Variants in ABHD18 observed in about 807,000 individuals in gnomAD.
ABHD18 encodes abhydrolase domain containing 18, also known as cardiolipin-specific deacylase, mitochondrial.
ABHD18 carries 55 observed loss-of-function variants against 65.9 expected under a neutral mutation model. That is an observed-to-expected ratio of 0.84 (90% confidence interval 0.67 to 1.05). The LOEUF (loss-of-function observed/expected upper bound fraction) is 1.05. ABHD18 is among the 50% of genes least tolerant of loss of function. ABHD18 has a pLI of 0.00. For missense variants in ABHD18, 533 were observed against 558.5 expected, an observed-to-expected ratio of 0.95 and a Z score of 0.46; for synonymous variants, 181 against 180.2, an observed-to-expected ratio of 1.00 and a Z score of -0.04.
rs1272233066 is a variant in ABHD18, at chr4:128,038,960, TG to T, written c.*3148del. On this transcript the variant is annotated 3_prime_UTR_variant, in exon 13 of 13. Coordinates refer to ENST00000645843, the MANE Select transcript of ABHD18 (RefSeq NM_001358451.3). ...ACTACCTCAGTTGAAGAATTCAAAG[TG>T]CAAAATAACTTTTCTTAGGATTTTT... is the stretch of plus-strand genomic sequence containing the variant. The T allele has an allele frequency of 2.0e-5, 3 of 151,774 alleles. No homozygotes were observed. The highest frequency in any genetic ancestry group is 2.9e-5 in the Non-Finnish European group (2 of 67,946). The allele number at this position is 151,774 out of a possible 1,614,324, so 9.4% of individuals were successfully genotyped here. A position where few individuals can be genotyped will look rare whatever the true frequency, so the allele number is the denominator to read the frequency against.
At chr4:127,976,324 A>G (rs2149051861) in intron 1 of ABHD18, among the ~76,000 whole-genome samples, 1 of 152,278 alleles carries the variant, frequency 6.6e-6, no homozygotes, top group Non-Finnish European at 1.5e-5. Context: ...ATTATGGGGT[A>G]CTAACTTTGA....
chr4:127,989,826 G>C lies in ABHD18; in HGVS notation c.278+5G>C. 1 of 1,524,422 alleles carries C rather than the reference G, an allele frequency of 6.6e-7. No homozygotes were observed. The highest frequency in any genetic ancestry group is 8.9e-7 in the Non-Finnish European group (1 of 1,129,848). 94.4% of individuals were successfully genotyped at this position (1,524,422 alleles called of 1,614,324 possible). On this transcript the variant is annotated splice_donor_5th_base_variant and intron_variant, in intron 4 of 12. Transcript: ENST00000645843. ...AATTGAATCTGTTATTGCAAGGTAA[G>C]AATTTTTTTGTTCAAAAAGATGAAT...
intron 1 of ABHD18, among the ~76,000 whole-genome samples, chr4:127,975,685 A>T (rs1244322993): frequency 2.0e-5 from 3 of 152,222 alleles, no homozygotes; most frequent in Non-Finnish European, 4.4e-5. Context: ...CTGATTAGAT[A>T]ACTAGTGTTT....
chr4:128,030,346 T>G (rs1758022318), intron 11 of ABHD18, among the ~76,000 whole-genome samples, 164 bp from the exon 12 acceptor site: 1 of 152,234 alleles, frequency 6.6e-6, no homozygotes, highest in African/African-American at 2.4e-5. Context: ...GTATCATTTT[T>G]AGAATATTTA....
chr4:127,999,918 G>A (rs917208203), intron 4 of ABHD18, among the ~76,000 whole-genome samples: 2 of 152,212 alleles, frequency 1.3e-5, no homozygotes, highest in Admixed American at 6.5e-5. Flanking sequence ...GCAAACAAAA[G>A]AAAGAGGTTT....
chr4:127,975,541 T>C (rs1413154888), intron 1 of ABHD18, among the ~76,000 whole-genome samples: 1 of 152,222 alleles, frequency 6.6e-6, no homozygotes, highest in Non-Finnish European at 1.5e-5. Flanking sequence ...GTTGTTTGTA[T>C]GTACATACTT....
chr4:128,003,971 AACC>A (rs1239473451), intron 4 of ABHD18, among the ~76,000 whole-genome samples: 8 of 143,264 alleles, frequency 5.6e-5, no homozygotes, highest in African/African-American at 2.4e-4. Flanking sequence ...AACAAAAAAA[AACC>A]AAACAAACAA....
At chr4:128,005,903 C>T (rs968963778) in intron 4 of ABHD18, among the ~76,000 whole-genome samples, 24 of 152,196 alleles carry the variant, frequency 1.6e-4, no homozygotes, top group African/African-American at 4.8e-4. Flanking sequence ...AGTCTGGCCT[C>T]CTCATTTCTC....
chr4:128,003,750 A>G (rs1042391721), intron 4 of ABHD18, among the ~76,000 whole-genome samples: 165 of 152,168 alleles, frequency 1.1e-3, no homozygotes, highest in African/African-American at 3.9e-3. Flanking sequence ...AAATTTACTT[A>G]TTTCAGGCTG....
chr4:128,035,827 T>C lies in ABHD18; in HGVS notation c.*14T>C, dbSNP rs568076509. ...TACGCTAACTAGTTGGATTATTATA[T>C]GTAACCAGTGTGGCCATGATGTTTC... On this transcript the variant is annotated 3_prime_UTR_variant, in exon 13 of 13. Transcript: ENST00000645843. 1.3e-6 allele frequency: 2 copies of C among 1,507,250 alleles called. No homozygotes were observed. The highest frequency in any genetic ancestry group is 1.4e-5 in the African/African-American group (1 of 72,284). The allele number at this position is 1,507,250 out of a possible 1,614,324, so 93.4% of individuals were successfully genotyped here.
chr4:127,993,988 A>G (rs956449014), intron 4 of ABHD18, among the ~76,000 whole-genome samples: 2 of 152,232 alleles, frequency 1.3e-5, no homozygotes, highest in African/African-American at 2.4e-5. Flanking sequence ...ATTAATCCAC[A>G]AGGAGAAACC....
intron 1 of ABHD18, among the ~76,000 whole-genome samples, chr4:127,970,135 A>C (rs1579098719): frequency 6.6e-6 from 1 of 151,800 alleles, no homozygotes; most frequent in African/African-American, 2.4e-5. Context: ...CTCCCTCCTC[A>C]GCGTCCCAAA....
Position 127,997,132 on chromosome 4 carries a change from C to G in ABHD18, c.278+7311C>G, listed in dbSNP as rs1751877360. On this transcript the variant is annotated intron_variant, in intron 4 of 12. Coordinates refer to ENST00000645843, the MANE Select transcript of ABHD18 (RefSeq NM_001358451.3). ...CCATGAAATATTCACAATTTATGTT[C>G]AGAGATTGCAGTAAAGGCAGGTGTA... Among the ~76,000 whole-genome samples, 3 of 152,188 alleles carry G rather than the reference C, an allele frequency of 2.0e-5. No individual in the cohort carries two copies. The South Asian group carries it at 6.2e-4, about 32-fold the overall frequency.
At chr4:128,025,292 C>A (rs1757182368) in intron 10 of ABHD18, among the ~76,000 whole-genome samples, 1 of 152,036 alleles carries the variant, frequency 6.6e-6, no homozygotes, top group African/African-American at 2.4e-5. Context: ...TATGCACCAC[C>A]ACACCTGGCT....
intron 4 of ABHD18, among the ~76,000 whole-genome samples, chr4:127,999,164 A>G (rs1277211510): frequency 6.6e-6 from 1 of 152,108 alleles, no homozygotes; most frequent in African/African-American, 2.4e-5. Context: ...CACGTCTGGA[A>G]TCCCAGCTAC....
intron 7 of ABHD18, among the ~76,000 whole-genome samples, chr4:128,011,933 AATAT>A (rs1176173023): frequency 1.3e-5 from 2 of 152,008 alleles, no homozygotes; most frequent in Non-Finnish European, 2.9e-5. Flanking sequence ...AGGTAGACTT[AATAT>A]ATAGTTTAGT....
At chr4:128,025,057 A>G (rs1418979663) in intron 10 of ABHD18, among the ~76,000 whole-genome samples, 1 of 152,174 alleles carries the variant, frequency 6.6e-6, no homozygotes, top group Non-Finnish European at 1.5e-5. Context: ...ATCAAAAAGT[A>G]TAAATAGATA....
chr4:128,030,821 C>A (rs776122114), intron 12 of ABHD18, 149 bp downstream of exon 12: 26 of 1,380,674 alleles, frequency 1.9e-5, no homozygotes, highest in Non-Finnish European at 2.4e-5. Context: ...CACAGAGTTA[C>A]TTTTCCCTCT....
rs1758178631 is a variant in ABHD18, at chr4:128,031,316, A to AG, written c.1343+645dup. ...AAAAATACAAAAAAAAAAAAAAAAA[A>AG]GTAGCCGGGCATAGGTGGTGCATGT... On this transcript the variant is annotated intron_variant, in intron 12 of 12. Coordinates refer to ENST00000645843, the MANE Select transcript of ABHD18 (RefSeq NM_001358451.3). The AG allele has an allele frequency of 1.8e-5, 3 of 168,312 alleles. No homozygotes were observed. The South Asian group carries it at 5.8e-4, about 33-fold the overall frequency. The allele number at this position is 168,312 out of a possible 1,614,324, so 10.4% of individuals were successfully genotyped here. A position where few individuals can be genotyped will look rare whatever the true frequency, so the allele number is the denominator to read the frequency against.
Sources: allele counts gnomAD v4.1 joint callset (sites outside exome capture counted in the v4.1 genomes callset), GRCh38; gene constraint gnomAD v4.1.1; transcripts MANE v1.5; gene names NCBI Gene and HGNC (gene_info 2026-07-23, HGNC 2026-07-21).